ZNF410: variants seen among roughly 807,000 people sequenced by gnomAD.
ZNF410 encodes the protein another partner for ARF 1.
ZNF410 carries 18 observed loss-of-function variants against 54.8 expected under a neutral mutation model. That is an observed-to-expected ratio of 0.33 (90% CI 0.23 to 0.49). The LOEUF (loss-of-function observed/expected upper bound fraction) is 0.49. Among genes scored for constraint, ZNF410 ranks in the 20% least tolerant of loss-of-function variants. ZNF410 has a pLI of 0.99. For missense variants in ZNF410, 405 were observed against 569.6 expected, an observed-to-expected ratio of 0.71 and a Z score of 2.94; for synonymous variants, 191 against 207.3, an observed-to-expected ratio of 0.92 and a Z score of 0.68.
At chr14:73,902,725 C>A in intron 5 of ZNF410, among the ~76,000 whole-genome samples, 1 of 152,214 alleles carries the variant, frequency 6.6e-6, no homozygotes, top group East Asian at 1.9e-4. Context: ...ATTTTTTTCT[C>A]TATTGATGTT....
chr14:73,920,877 G>A, intron 8 of ZNF410, 103 bp from the exon 9 acceptor site: 1 of 1,468,600 alleles, frequency 6.8e-7, no homozygotes, highest in Admixed American at 1.9e-5. Flanking sequence ...AGGAGCAGCT[G>A]CTTATGTTCA....
chr14:73,895,913 C>A (rs1360475999), intron 3 of ZNF410, among the ~76,000 whole-genome samples: 3 of 152,174 alleles, frequency 2.0e-5, no homozygotes, highest in Non-Finnish European at 4.4e-5. Flanking sequence ...CAACCTAATA[C>A]AAAAGTTAAG....
At chr14:73,916,495 G>A (rs2055669437) in intron 8 of ZNF410, 1 of 152,042 alleles carries the variant, frequency 6.6e-6, no homozygotes, top group South Asian at 2.1e-4. Context: ...TGTTATTTTT[G>A]GAGCTTCTCA....
At position 73,896,545 on chromosome 14, in the gene ZNF410, C is replaced by G. The variant is rs568892668; in HGVS notation, c.388+11C>G. ...ACCTAACAAGAGCAGGTATTCTTTC[C>G]TTTTTTTTGGGCTCTGCTTATGCCT... On this transcript the variant is annotated intron_variant, in intron 4 of 11. Transcript: ENST00000555044. 5.0e-6 allele frequency: 8 copies of G among 1,609,626 alleles called. No individual in the cohort carries two copies. Among genetic ancestry groups the G allele is most frequent in the Non-Finnish European group, 5.9e-6 (7 of 1,177,990 alleles).
chr14:73,924,684 T>C (rs1311669468), intron 11 of ZNF410: 2 of 300,910 alleles, frequency 6.6e-6, no homozygotes, highest in African/African-American at 4.7e-5. Flanking sequence ...TTTTCTTTTC[T>C]TTTTTTTTTT....
In ZNF410 at chr14:73,896,269, C is replaced by T. The variant is rs1383538794; in HGVS notation, c.170-47C>T. 5 of 1,483,490 alleles carry T rather than the reference C, an allele frequency of 3.4e-6. No homozygotes were observed. The East Asian group carries it at 6.8e-5, about 20-fold the overall frequency. The allele number at this position is 1,483,490 out of a possible 1,614,324, so 91.9% of individuals were successfully genotyped here. Reference sequence around the variant, plus strand: ...GTGCTGTGTATCAAAATGGTGGGCTCCTAGAGATAGGTGCTACATAAAGCT... The same window carrying T: ...GTGCTGTGTATCAAAATGGTGGGCTTCTAGAGATAGGTGCTACATAAAGCT... On this transcript the variant is annotated intron_variant, in intron 3 of 11. Transcript: ENST00000555044.
chr14:73,892,279 GT>G, intron 2 of ZNF410, 71 bp downstream of exon 2: 4 of 1,523,066 alleles, frequency 2.6e-6, no homozygotes, highest in Non-Finnish European at 3.6e-6. Context: ...AGTTTAGGGG[GT>G]CAGCAAACTT....
At chr14:73,908,791 C>A (rs2055531113) in intron 7 of ZNF410, among the ~76,000 whole-genome samples, 2 of 152,160 alleles carry the variant, frequency 1.3e-5, no homozygotes, top group East Asian at 3.9e-4. Flanking sequence ...TTGTCTGTCT[C>A]ACACTAGTTT....
At chr14:73,907,941 A>G (rs1439857550) in intron 7 of ZNF410, among the ~76,000 whole-genome samples, 1 of 152,042 alleles carries the variant, frequency 6.6e-6, no homozygotes, top group Admixed American at 6.6e-5. Flanking sequence ...GCTTACTATG[A>G]GGGCTTACTA....
chr14:73,905,262 T>C, intron 7 of ZNF410, 179 bp downstream of exon 7: 1 of 655,626 alleles, frequency 1.5e-6, no homozygotes, highest in South Asian at 2.4e-5. Context: ...TTATTGTATT[T>C]TTACCTGTGT....
intron 1 of ZNF410, among the ~76,000 whole-genome samples, chr14:73,889,118 T>TA: frequency 6.6e-6 from 1 of 152,340 alleles, no homozygotes; most frequent in Non-Finnish European, 1.5e-5. Context: ...AAGGATGACT[T>TA]AAACAACAAA....
At chr14:73,930,620 A>G (rs201227297) in intron 11 of ZNF410, among the ~76,000 whole-genome samples, 30 of 152,128 alleles carry the variant, frequency 2.0e-4, no homozygotes, top group East Asian at 5.8e-4. Context: ...TGTGTCTGAA[A>G]ACAGTCTCAG....
Position 73,921,092 on chromosome 14 carries a change from G to A in ZNF410, c.1116G>A (p.Glu372=). The A allele has an allele frequency of 6.2e-7, 1 of 1,614,066 alleles. No individual in the cohort carries two copies. Among genetic ancestry groups the A allele is most frequent in the Non-Finnish European group, 8.5e-7 (1 of 1,180,000 alleles). ...HLQLGAAGSQ[E]QEQTAEPLMG... is the part of the protein sequence containing the mutation. ...AGCTGGGAGCAGCTGGGAGTCAAGA[G>A]CAGGAGCAAACTGGTGAGGAGGGTG... The change falls in exon 9 of 12, where the codon GAG becomes GAA. Residue 372 remains glutamate, a synonymous_variant. Coordinates refer to ENST00000555044, the MANE Select transcript of ZNF410 (RefSeq NM_021188.3).
intron 8 of ZNF410, among the ~76,000 whole-genome samples, chr14:73,912,584 C>T (rs565863786): frequency 6.6e-6 from 1 of 152,190 alleles, no homozygotes; most frequent in Non-Finnish European, 1.5e-5. Context: ...TGGAATTCTT[C>T]TGTACTGTGC....
At chr14:73,903,717 C>A in intron 5 of ZNF410, 1 of 489,672 alleles carries the variant, frequency 2.0e-6, no homozygotes, top group South Asian at 3.0e-5. Context: ...CCATGCTAGT[C>A]TCGGAACACC....
chr14:73,893,386 A>G (rs1303639391), intron 2 of ZNF410: 1 of 156,052 alleles, frequency 6.4e-6, no homozygotes, highest in Non-Finnish European at 1.4e-5. Context: ...AGCCTGCTAC[A>G]CTCTAGGCTG....
chr14:73,931,348 A>G (rs1001389008), intron 11 of ZNF410, among the ~76,000 whole-genome samples, 155 bp from the exon 12 acceptor site: 1 of 152,172 alleles, frequency 6.6e-6, no homozygotes, highest in Admixed American at 6.5e-5. Context: ...AGTGACATCT[A>G]TCAGTCCGTG....
intron 3 of ZNF410, among the ~76,000 whole-genome samples, chr14:73,894,201 A>G (rs534107131): frequency 1.3e-5 from 2 of 152,326 alleles, no homozygotes; most frequent in South Asian, 4.1e-4. Context: ...AGGGTAGGGC[A>G]GGAGAACTTG....
chr14:73,893,018 C>T (rs2055256138), intron 2 of ZNF410, among the ~76,000 whole-genome samples: 2 of 152,128 alleles, frequency 1.3e-5, no homozygotes, highest in South Asian at 4.1e-4. Context: ...GGAGGTGGAG[C>T]TTGCAGTGAG....
Sources: gnomAD v4.1 joint callset for allele counts (sites outside exome capture counted in the v4.1 genomes callset) on GRCh38, gnomAD v4.1.1 for gene constraint, MANE v1.5 for transcripts, NCBI Gene and HGNC (gene_info 2026-07-23, HGNC 2026-07-21) for gene names.